Variants in ANKRD30A observed in about 807,000 individuals in gnomAD.
The protein encoded by ANKRD30A is ankyrin repeat domain 30A.
ANKRD30A carries 170 observed loss-of-function variants against 166.3 expected under a neutral mutation model. The observed-to-expected ratio is 1.02, with a 90% CI of 0.90 to 1.16. The LOEUF is 1.16. Ranked by LOEUF, ANKRD30A falls within the 50% of genes most tolerant of loss-of-function variation. The probability of loss-of-function intolerance (pLI) is 0.00; values close to 1 mark genes in which losing one functional copy is unlikely to be tolerated. For synonymous variants in ANKRD30A, 564 were observed against 508.9 expected (o/e 1.11, Z -1.46); for missense variants, 1,630 against 1,518.0 (o/e 1.07, Z -1.23).
the ANKRD30A span, among the ~76,000 whole-genome samples, chr10:37,244,817 G>A: frequency 2.0e-5 from 3 of 152,114 alleles, no homozygotes; most frequent in African/African-American, 7.2e-5. Context: ...CACCATTCAG[G>A]GGTGCTCTCA....
intron 31 of ANKRD30A, among the ~76,000 whole-genome samples, chr10:37,204,925 C>T (rs536063878): frequency 2.6e-5 from 4 of 152,152 alleles, no homozygotes; most frequent in Admixed American, 1.3e-4. Context: ...GTTAGAATGG[C>T]GATCATTAAA....
At chr10:37,222,108 A>G (rs1231954115) in intron 34 of ANKRD30A, among the ~76,000 whole-genome samples, 1 of 151,392 alleles carries the variant, frequency 6.6e-6, no homozygotes. Context: ...TAAAATTCAC[A>G]TATCATATAG....
the ANKRD30A span, among the ~76,000 whole-genome samples, chr10:37,240,569 C>A: frequency 1.3e-5 from 2 of 152,246 alleles, no homozygotes; most frequent in South Asian, 4.1e-4. Flanking sequence ...CTTTTTCTTA[C>A]CACTTACTAG....
the ANKRD30A span, among the ~76,000 whole-genome samples, chr10:37,252,540 T>C: frequency 3.7e-4 from 56 of 152,218 alleles, no homozygotes; most frequent in Non-Finnish European, 7.3e-5. Flanking sequence ...AATTCTCTCC[T>C]GGAAATTTTC....
At chr10:37,151,064 A>G (rs1200902) in intron 11 of ANKRD30A, among the ~76,000 whole-genome samples, 9,587 of 82,110 alleles carry the variant, frequency 0.12, 1,105 homozygotes, top group Middle Eastern at 0.13. Flanking sequence ...TAGGGATGCT[A>G]AGATCAGAAG....
intron 31 of ANKRD30A, among the ~76,000 whole-genome samples, chr10:37,204,634 A>G (rs1841869823): frequency 6.6e-6 from 1 of 152,180 alleles, no homozygotes; most frequent in Non-Finnish European, 1.5e-5. Context: ...TAATTAAACT[A>G]AAGAGCTTCT....
intron 24 of ANKRD30A, chr10:37,184,349 T>TC (rs1840267297): frequency 5.8e-5 from 4 of 68,480 alleles, no homozygotes; most frequent in African/African-American, 1.5e-4. Context: ...TTAATTTCTT[T>TC]TTTTTTTTTT....
At chr10:37,135,525 T>C (rs1020258206) in intron 5 of ANKRD30A, among the ~76,000 whole-genome samples, 1 of 152,230 alleles carries the variant, frequency 6.6e-6, no homozygotes, top group African/African-American at 2.4e-5. Flanking sequence ...CAGTATGCTG[T>C]TAGTAGGCAT....
At chr10:37,167,730 A>G (rs1460633663) in intron 19 of ANKRD30A, among the ~76,000 whole-genome samples, 1 of 151,646 alleles carries the variant, frequency 6.6e-6, no homozygotes, top group Non-Finnish European at 1.5e-5. Context: ...ATTCCAGTAT[A>G]TGGGTATGAA....
At chr10:37,252,399 A>G in the ANKRD30A span, among the ~76,000 whole-genome samples, 1 of 152,198 alleles carries the variant, frequency 6.6e-6, no homozygotes, top group African/African-American at 2.4e-5. Context: ...AAGATCAGGT[A>G]TGTTTTATAT....
intron 34 of ANKRD30A, among the ~76,000 whole-genome samples, chr10:37,228,161 C>T (rs1477979730): frequency 6.6e-6 from 1 of 151,864 alleles, no homozygotes; most frequent in Non-Finnish European, 1.5e-5. Context: ...AAGTGCAGCA[C>T]TAAAAAATCA....
In ANKRD30A at chr10:37,145,059, A is replaced by T. The variant is rs910434281; in HGVS notation, c.1455+3A>T. The T allele has an allele frequency of 1.3e-6, 2 of 1,568,500 alleles. No individual in the cohort carries two copies. The highest frequency in any genetic ancestry group is 1.7e-6 in the Non-Finnish European group (2 of 1,154,220). ...AAGAATATTCTTGTGATTCTCGGGT[A>T]TTGTGTATTATTGATGTTATTCTCT... On this transcript the variant is annotated splice_donor_region_variant and intron_variant, in intron 8 of 35. Transcript: ENST00000361713.
intron 34 of ANKRD30A, among the ~76,000 whole-genome samples, chr10:37,227,574 C>T (rs948220288): frequency 5.9e-5 from 9 of 151,926 alleles, no homozygotes; most frequent in African/African-American, 2.2e-4. Flanking sequence ...TATTATCATA[C>T]ATGATAAAAG....
chr10:37,204,701 C>A (rs1841874174), intron 31 of ANKRD30A, among the ~76,000 whole-genome samples: 1 of 151,436 alleles, frequency 6.6e-6, no homozygotes, highest in Non-Finnish European at 1.5e-5. Flanking sequence ...TTGCAATCTA[C>A]CCATCTGACA....
chr10:37,161,970 A>G (rs1212454763), intron 15 of ANKRD30A, among the ~76,000 whole-genome samples: 3 of 152,172 alleles, frequency 2.0e-5, no homozygotes, highest in Non-Finnish European at 1.5e-5. Flanking sequence ...TTTATGTTTA[A>G]TTCATCTATT....
At chr10:37,134,085 T>C in intron 5 of ANKRD30A, 32 bp downstream of exon 5, 3 of 1,607,290 alleles carry the variant, frequency 1.9e-6, no homozygotes, top group South Asian at 1.1e-5. Context: ...CTAGGTGAGA[T>C]TTTATAGTTT....
intron 11 of ANKRD30A, among the ~76,000 whole-genome samples, 181 bp from the exon 12 acceptor site, chr10:37,151,879 C>G (rs1837964439): frequency 6.6e-6 from 1 of 151,974 alleles, no homozygotes; most frequent in African/African-American, 2.4e-5. Flanking sequence ...AATTTTCAGA[C>G]TTTTTAGATT....
intron 21 of ANKRD30A, among the ~76,000 whole-genome samples, chr10:37,171,791 C>T (rs1363119297): frequency 6.6e-6 from 1 of 150,376 alleles, no homozygotes; most frequent in Non-Finnish European, 1.5e-5. Context: ...TCTCATGGCA[C>T]TGTGCTCTCT....
At chr10:37,213,791 A>C (rs959528640) in intron 31 of ANKRD30A, among the ~76,000 whole-genome samples, 9 of 151,610 alleles carry the variant, frequency 5.9e-5, no homozygotes, top group African/African-American at 1.9e-4. Flanking sequence ...CTTAATTTCC[A>C]ATAGTTGAGT....
Sources: gnomAD v4.1 joint callset for allele counts (sites outside exome capture counted in the v4.1 genomes callset) on GRCh38, gnomAD v4.1.1 for gene constraint, MANE v1.5 for transcripts, NCBI Gene and HGNC (gene_info 2026-07-23, HGNC 2026-07-21) for gene names.